Variants in PCSK5 observed in about 807,000 individuals in gnomAD.
The protein encoded by PCSK5 is proprotein convertase subtilisin/kexin type 5.
PCSK5 carries 129 observed loss-of-function variants against 233.2 expected under a neutral mutation model. The ratio of observed to expected loss-of-function variants is 0.55; its 90% CI spans 0.48 to 0.64. The LOEUF (loss-of-function observed/expected upper bound fraction) is 0.64, where lower values mean the gene tolerates loss of function less well. Among genes scored for constraint, PCSK5 ranks in the 30% least tolerant of loss-of-function variants. PCSK5 has a pLI of 0.00. For synonymous variants in PCSK5, 825 were observed against 879.2 expected, an observed-to-expected ratio of 0.94 and a Z score of 1.09; for missense variants, 2,076 against 2,430.1, an observed-to-expected ratio of 0.85 and a Z score of 3.06.
intron 1 of PCSK5, among the ~76,000 whole-genome samples, chr9:75,930,347 G>T (rs1400919575): frequency 6.6e-6 from 1 of 152,188 alleles, no homozygotes; most frequent in Non-Finnish European, 1.5e-5. Flanking sequence ...ATGCTGGTCA[G>T]TGTGATTTGA....
At chr9:76,262,672 C>T (rs1364124719) in intron 24 of PCSK5, among the ~76,000 whole-genome samples, 3 of 151,462 alleles carry the variant, frequency 2.0e-5, no homozygotes, top group African/African-American at 7.3e-5. Context: ...ACCACAAAAA[C>T]CCTAGAAGAA....
chr9:76,015,173 C>A (rs1377700035), intron 3 of PCSK5, among the ~76,000 whole-genome samples: 4 of 152,160 alleles, frequency 2.6e-5, no homozygotes, highest in Admixed American at 2.6e-4. Context: ...AGCAACAGTG[C>A]CCAAGGGCAG....
chr9:76,049,875 A>G (rs962509496), intron 5 of PCSK5, among the ~76,000 whole-genome samples: 2 of 152,202 alleles, frequency 1.3e-5, no homozygotes, highest in African/African-American at 4.8e-5. Flanking sequence ...GGGCAAAACA[A>G]GTATTTTTGG....
chr9:76,227,700 C>T (rs1825942527), intron 21 of PCSK5, 95 bp downstream of exon 21: 1 of 762,828 alleles, frequency 1.3e-6, no homozygotes, highest in Non-Finnish European at 2.2e-6. Flanking sequence ...CCTCATGGGC[C>T]TGCAGTGAAA....
intron 5 of PCSK5, among the ~76,000 whole-genome samples, chr9:76,052,508 C>T (rs968868386): frequency 3.3e-5 from 5 of 152,130 alleles, no homozygotes; most frequent in Non-Finnish European, 5.9e-5. Flanking sequence ...GAGACTTATT[C>T]ACTATCATGA....
chr9:76,168,427 C>T (rs1479160444), intron 12 of PCSK5, among the ~76,000 whole-genome samples: 3 of 152,200 alleles, frequency 2.0e-5, no homozygotes, highest in Non-Finnish European at 2.9e-5. Context: ...GGATTACAGG[C>T]ATGAACCGCT....
intron 20 of PCSK5, among the ~76,000 whole-genome samples, chr9:76,198,623 C>T (rs1163330912): frequency 3.3e-5 from 5 of 152,142 alleles, no homozygotes; most frequent in Non-Finnish European, 7.3e-5. Context: ...GGGGTAAGAG[C>T]CTTTTCTCAA....
At chr9:76,220,199 C>T (rs1334810954) in intron 20 of PCSK5, among the ~76,000 whole-genome samples, 2 of 152,180 alleles carry the variant, frequency 1.3e-5, no homozygotes, top group African/African-American at 2.4e-5. Context: ...CAATGAGAAG[C>T]TTTGTAAATT....
At chr9:75,977,116 C>T (rs776666951) in intron 2 of PCSK5, among the ~76,000 whole-genome samples, 9 of 152,136 alleles carry the variant, frequency 5.9e-5, no homozygotes, top group Admixed American at 2.6e-4. Flanking sequence ...TTTCTAGAGT[C>T]ATATGTTTGT....
chr9:76,320,819 TG>T (rs1000930139), intron 30 of PCSK5, among the ~76,000 whole-genome samples: 5 of 140,618 alleles, frequency 3.6e-5, no homozygotes, highest in East Asian at 2.0e-4. Context: ...TTTTTGGTTT[TG>T]TTTTTTTTTT....
intron 3 of PCSK5, among the ~76,000 whole-genome samples, chr9:76,014,919 T>G (rs1306411355): frequency 6.6e-6 from 1 of 152,146 alleles, no homozygotes; most frequent in Non-Finnish European, 1.5e-5. Flanking sequence ...ATTACCTGTA[T>G]TGTATTATCT....
intron 16 of PCSK5, among the ~76,000 whole-genome samples, chr9:76,184,176 C>T (rs1823996150): frequency 2.0e-5 from 3 of 152,176 alleles, no homozygotes; most frequent in Admixed American, 2.0e-4. Flanking sequence ...GCAATCCTTA[C>T]CCTTGCAGTC....
At chr9:75,994,104 G>A (rs964513934) in intron 3 of PCSK5, among the ~76,000 whole-genome samples, 11 of 152,138 alleles carry the variant, frequency 7.2e-5, no homozygotes, top group Admixed American at 7.2e-4. Flanking sequence ...TCTCAGGTCT[G>A]CTATGTTAAC....
chr9:75,920,879 A>T (rs1268260594), intron 1 of PCSK5, among the ~76,000 whole-genome samples: 2 of 152,178 alleles, frequency 1.3e-5, no homozygotes, highest in Non-Finnish European at 1.5e-5. Flanking sequence ...TCTGTTTACC[A>T]GTATGAAAAA....
rs182091713 is a variant in PCSK5 at position 76,255,212 on chromosome 9, G to A, written c.3142+14528G>A. Among the ~76,000 whole-genome samples, 724 of 152,170 alleles carry A rather than the reference G, an allele frequency of 4.8e-3. 2 individuals carry two copies. The highest frequency in any genetic ancestry group is 7.2e-3 in the Non-Finnish European group (491 of 68,000). Reference sequence around the variant, plus strand: ...TGAGGTGGGATGATTGCCTGAGCCCGGGAAATTGAGGTTTCAGTGAGCTGT... The same window carrying A: ...TGAGGTGGGATGATTGCCTGAGCCCAGGAAATTGAGGTTTCAGTGAGCTGT... On this transcript the variant is annotated intron_variant, in intron 24 of 37. Transcript: ENST00000674117.
intron 7 of PCSK5, among the ~76,000 whole-genome samples, chr9:76,088,181 A>G (rs1831141626): frequency 6.6e-6 from 1 of 152,184 alleles, no homozygotes; most frequent in South Asian, 2.1e-4. Context: ...GTAAAGATTG[A>G]GACCAGTAGC....
At chr9:76,175,929 G>C (rs1823594676) in intron 14 of PCSK5, among the ~76,000 whole-genome samples, 3 of 151,812 alleles carry the variant, frequency 2.0e-5, no homozygotes. Flanking sequence ...TGAACACTCT[G>C]TATGTTATTG....
At chr9:75,930,328 A>G (rs893209491) in intron 1 of PCSK5, among the ~76,000 whole-genome samples, 1 of 152,168 alleles carries the variant, frequency 6.6e-6, no homozygotes, top group African/African-American at 2.4e-5. Flanking sequence ...CAGCCAGAGT[A>G]CAGAAAGAAT....
At chr9:76,315,641 A>ATTTTTTTTTTTTT (rs777066898) in intron 30 of PCSK5, among the ~76,000 whole-genome samples, 1 of 139,102 alleles carries the variant, frequency 7.2e-6, no homozygotes, top group Admixed American at 7.4e-5. Context: ...GGAGAAGACT[A>ATTTTTTTTTTTTT]CTTTTTTTTT....
Sources: allele counts gnomAD v4.1 joint callset (sites outside exome capture counted in the v4.1 genomes callset), GRCh38; gene constraint gnomAD v4.1.1; transcripts MANE v1.5; gene names NCBI Gene and HGNC (gene_info 2026-07-23, HGNC 2026-07-21).